The following SLC39A11 variants were observed in gnomAD, a reference collection of about 807,000 sequenced individuals.
SLC39A11 encodes the protein solute carrier family 39 member 11, also known as zinc transporter ZIP11.
SLC39A11 carries 33 observed loss-of-function variants against 36.1 expected under a neutral mutation model. The ratio of observed to expected loss-of-function variants is 0.91; its 90% CI spans 0.69 to 1.22. SLC39A11 has a LOEUF of 1.22. SLC39A11 is among the 50% of genes most tolerant of loss of function. SLC39A11 has a pLI of 0.00. For synonymous variants in SLC39A11, 166 were observed against 170.3 expected, an observed-to-expected ratio of 0.97 and a Z score of 0.20; for missense variants, 432 against 430.3, an observed-to-expected ratio of 1.00 and a Z score of -0.03.
chr17:73,047,728 T>C (rs569750683), intron 3 of SLC39A11, among the ~76,000 whole-genome samples: 1 of 151,528 alleles, frequency 6.6e-6, no homozygotes, highest in Non-Finnish European at 1.5e-5. Context: ...AGCACTTTGG[T>C]AGGCTGAAGC....
At chr17:72,957,818 CAA>C (rs11318251) in intron 4 of SLC39A11, among the ~76,000 whole-genome samples, 40 of 144,916 alleles carry the variant, frequency 2.8e-4, no homozygotes, top group African/African-American at 3.6e-4. Context: ...GACCCTGTCT[CAA>C]AAAAAAAAAA....
At chr17:72,728,763 TGTA>T (rs1567993294) in intron 7 of SLC39A11, among the ~76,000 whole-genome samples, 1 of 152,150 alleles carries the variant, frequency 6.6e-6, no homozygotes, top group Non-Finnish European at 1.5e-5. Context: ...ACCCTGGGCC[TGTA>T]CTGGGTAACG....
chr17:72,941,938 T>C (rs1325655762), intron 5 of SLC39A11, among the ~76,000 whole-genome samples: 4 of 151,956 alleles, frequency 2.6e-5, no homozygotes, highest in African/African-American at 9.7e-5. Context: ...TGGAGTGCAG[T>C]GGCACAATCT....
chr17:72,699,024 T>C (rs1598381781), intron 7 of SLC39A11, among the ~76,000 whole-genome samples: 1 of 152,064 alleles, frequency 6.6e-6, no homozygotes, highest in South Asian at 2.1e-4. Flanking sequence ...AGAGACGGGG[T>C]TTCACCATGT....
At chr17:72,959,323 GTGTATATA>G (rs1457456286) in intron 4 of SLC39A11, among the ~76,000 whole-genome samples, 3,620 of 81,090 alleles carry the variant, frequency 0.045, 79 homozygotes, top group East Asian at 0.097. Context: ...GTGTGTGTGT[GTGTATATA>G]TATATATATA....
intron 7 of SLC39A11, among the ~76,000 whole-genome samples, chr17:72,664,521 C>T (rs2070638608): frequency 6.6e-6 from 1 of 152,166 alleles, no homozygotes. Flanking sequence ...GAGAATCCAG[C>T]CACTTCTCCC....
intron 7 of SLC39A11, among the ~76,000 whole-genome samples, chr17:72,730,867 T>C (rs1316208108): frequency 2.0e-5 from 3 of 152,148 alleles, no homozygotes; most frequent in South Asian, 4.1e-4. Context: ...CCCATCTTTA[T>C]ACTCAGCCGA....
At chr17:72,768,756 T>G (rs1320254723) in intron 6 of SLC39A11, among the ~76,000 whole-genome samples, 2 of 151,342 alleles carry the variant, frequency 1.3e-5, no homozygotes, top group Non-Finnish European at 2.9e-5. Context: ...TTATTTTGAT[T>G]ATTATTATTA....
At chr17:72,976,646 C>T (rs1248495592) in intron 4 of SLC39A11, among the ~76,000 whole-genome samples, 2 of 152,084 alleles carry the variant, frequency 1.3e-5, no homozygotes, top group Non-Finnish European at 2.9e-5. Context: ...GTCAGGAGAT[C>T]GAGACCATCC....
At chr17:72,719,666 G>T (rs547044900) in intron 7 of SLC39A11, among the ~76,000 whole-genome samples, 4 of 152,188 alleles carry the variant, frequency 2.6e-5, no homozygotes, top group South Asian at 4.1e-4. Flanking sequence ...CGGGAAAGCC[G>T]CAAGGAAACC....
chr17:72,786,970 C>T (rs2076538037), intron 6 of SLC39A11, among the ~76,000 whole-genome samples: 1 of 152,128 alleles, frequency 6.6e-6, no homozygotes, highest in African/African-American at 2.4e-5. Context: ...CAGGCACCCG[C>T]TGCCACGCCC....
intron 4 of SLC39A11, among the ~76,000 whole-genome samples, chr17:72,987,328 T>C (rs1190499340): frequency 6.6e-6 from 1 of 152,236 alleles, no homozygotes; most frequent in African/African-American, 2.4e-5. Context: ...TATTCCTTTA[T>C]GGCAACACTT....
chr17:72,915,796 C>T (rs1454601650), intron 5 of SLC39A11, among the ~76,000 whole-genome samples: 1 of 152,224 alleles, frequency 6.6e-6, no homozygotes, highest in Non-Finnish European at 1.5e-5. Flanking sequence ...ATATTCACAC[C>T]TTTGTGACTG....
intron 5 of SLC39A11, among the ~76,000 whole-genome samples, chr17:72,851,402 G>A (rs942938421): frequency 4.6e-5 from 7 of 152,106 alleles, no homozygotes; most frequent in Non-Finnish European, 1.0e-4. Flanking sequence ...CTTTCTAGAG[G>A]AGATAGGTCT....
intron 6 of SLC39A11, among the ~76,000 whole-genome samples, chr17:72,824,647 C>T (rs183500396): frequency 4.0e-5 from 6 of 151,274 alleles, no homozygotes; most frequent in African/African-American, 4.8e-5. Flanking sequence ...GATAGTGATA[C>T]GGACAATGAA....
chr17:72,863,813 T>C (rs1022852854), intron 5 of SLC39A11, among the ~76,000 whole-genome samples: 6 of 152,190 alleles, frequency 3.9e-5, no homozygotes, highest in Non-Finnish European at 7.3e-5. Context: ...TTAATTGAAA[T>C]CCAGGCAATG....
At chr17:72,826,894 C>T (rs904048557) in intron 6 of SLC39A11, among the ~76,000 whole-genome samples, 4 of 152,132 alleles carry the variant, frequency 2.6e-5, no homozygotes, top group Admixed American at 2.6e-4. Context: ...TCCTATATTG[C>T]TGATAGGAAT....
chr17:72,933,977 G>A (rs915080134), intron 5 of SLC39A11, among the ~76,000 whole-genome samples: 5 of 151,894 alleles, frequency 3.3e-5, no homozygotes, highest in African/African-American at 4.8e-5. Context: ...TTAATTCAAT[G>A]GAGAAAATAC....
chr17:72,961,439 G>A (rs901307040), intron 4 of SLC39A11, among the ~76,000 whole-genome samples: 1 of 152,108 alleles, frequency 6.6e-6, no homozygotes, highest in African/African-American at 2.4e-5. Flanking sequence ...ACATGCACAC[G>A]TATGTTTATT....
Sources: gnomAD v4.1 joint callset for allele counts (sites outside exome capture counted in the v4.1 genomes callset) on GRCh38, gnomAD v4.1.1 for gene constraint, MANE v1.5 for transcripts, NCBI Gene and HGNC (gene_info 2026-07-23, HGNC 2026-07-21) for gene names.